COL4A6: variants seen among roughly 807,000 people sequenced by gnomAD.
The protein encoded by COL4A6 is collagen type IV alpha 6 chain, also known as collagen alpha-6(IV) chain.
In COL4A6, 59 loss-of-function variants were observed where a neutral mutation model predicts 126.7. That is an observed-to-expected ratio of 0.47 (90% CI 0.38 to 0.58). The LOEUF (loss-of-function observed/expected upper bound fraction) is 0.58, where lower values mean the gene tolerates loss of function less well. Among genes scored for constraint, COL4A6 ranks in the 20% least tolerant of loss-of-function variants. COL4A6 has a pLI of 0.00. For synonymous variants in COL4A6, 547 were observed against 496.6 expected, an observed-to-expected ratio of 1.10 and a Z score of -1.35; for missense variants, 1,285 against 1,337.3, an observed-to-expected ratio of 0.96 and a Z score of 0.61.
intron 3 of COL4A6, among the ~76,000 whole-genome samples, chrX:108,276,018 T>C (rs1602982500): frequency 8.8e-6 from 1 of 113,016 alleles, no homozygotes; most frequent in East Asian, 2.8e-4. Flanking sequence ...TCCTCCTGTT[T>C]AGATCTCTTT....
intron 2 of COL4A6, among the ~76,000 whole-genome samples, chrX:108,322,930 T>C (rs974860340): frequency 1.8e-5 from 2 of 112,530 alleles, no homozygotes; most frequent in Non-Finnish European, 3.8e-5. Context: ...CAAATTTAAC[T>C]GAGTGTCATC....
rs192616787 is a variant in COL4A6, at chrX:108,205,709, A to T, written c.610-14T>A. 6.9e-5 allele frequency: 82 copies of T among 1,192,403 alleles called. No individual in the cohort carries two copies. The African/African-American group carries it at 9.4e-4, about 14-fold the overall frequency. The stretch of plus-strand genomic sequence containing the variant: ...CCCTGGAGGACCCTAGATTTTTTTT[A>T]AAAATAAGAAAGAGTTAGCACTTGT... On this transcript the variant is annotated splice_polypyrimidine_tract_variant and intron_variant, in intron 9 of 44. Transcript: ENST00000334504.
intron 2 of COL4A6, among the ~76,000 whole-genome samples, chrX:108,376,196 A>G (rs1025887515): frequency 4.5e-5 from 5 of 111,464 alleles, no homozygotes; most frequent in Non-Finnish European, 7.5e-5. Flanking sequence ...GAGGGCTTTT[A>G]TTGTTCTACT....
At chrX:108,334,980 T>C (rs1434219267) in intron 2 of COL4A6, among the ~76,000 whole-genome samples, 1 of 112,106 alleles carries the variant, frequency 8.9e-6, no homozygotes, top group Non-Finnish European at 1.9e-5. Flanking sequence ...TAATTCCTCT[T>C]AGAAAAATGT....
intron 2 of COL4A6, among the ~76,000 whole-genome samples, chrX:108,430,545 A>T (rs773253970): frequency 2.3e-4 from 26 of 112,088 alleles, no homozygotes; most frequent in Admixed American, 2.0e-3. Flanking sequence ...CAATGTAGAG[A>T]TAAGGATGGA....
At chrX:108,224,893 A>G (rs1302210296) in intron 3 of COL4A6, among the ~76,000 whole-genome samples, 1 of 111,246 alleles carries the variant, frequency 9.0e-6, no homozygotes, top group Non-Finnish European at 1.9e-5. Context: ...CAGTGTGAGA[A>G]CATAGAGACT....
At chrX:108,243,303 C>G (rs1410560250) in intron 3 of COL4A6, among the ~76,000 whole-genome samples, 3 of 96,502 alleles carry the variant, frequency 3.1e-5, no homozygotes, top group African/African-American at 1.1e-4. Flanking sequence ...TTGAAGCCCC[C>G]CTCCCCCATG....
At chrX:108,433,656 T>C (rs898688803) in intron 2 of COL4A6, among the ~76,000 whole-genome samples, 1 of 110,592 alleles carries the variant, frequency 9.0e-6, no homozygotes, top group Non-Finnish European at 1.9e-5. Flanking sequence ...TCCCAGTAGA[T>C]AGGACTATAG....
intron 2 of COL4A6, among the ~76,000 whole-genome samples, chrX:108,313,057 T>C (rs2038798433): frequency 8.9e-6 from 1 of 112,892 alleles, no homozygotes; most frequent in East Asian, 2.8e-4. Flanking sequence ...CCTTTGTCAC[T>C]GAGGAAAGTA....
intron 2 of COL4A6, among the ~76,000 whole-genome samples, chrX:108,334,402 A>T (rs1280419659): frequency 8.9e-6 from 1 of 112,039 alleles, no homozygotes; most frequent in Non-Finnish European, 1.9e-5. Context: ...TCATTAGTTC[A>T]TTTCTAACTA....
chrX:108,279,994 C>G (rs1344928157), intron 3 of COL4A6, among the ~76,000 whole-genome samples: 12 of 110,690 alleles, frequency 1.1e-4, no homozygotes, highest in Admixed American at 2.9e-4. Flanking sequence ...ATTCAAAGCA[C>G]TGTGTAGAGG....
chrX:108,211,437 G>A (rs1177380259), intron 7 of COL4A6, among the ~76,000 whole-genome samples: 4 of 113,265 alleles, frequency 3.5e-5, no homozygotes, highest in Non-Finnish European at 7.5e-5. Flanking sequence ...TTGCTGATCT[G>A]TCTCCTATTT....
In COL4A6 at chrX:108,187,263, C is replaced by T; in HGVS notation, c.1784G>A (p.Gly595Asp). Residue 595 changes from glycine to aspartate, a missense_variant, in exon 23 of 45, where the codon GGC becomes GAC. Physicochemically the swap from Gly to Asp is moderately conservative, Grantham distance 94 (BLOSUM62 -1). Transcript: ENST00000334504. ...LPGLPGDGGQGFPGEKGLPGL... is the reference protein window; with the variant it reads ...LPGLPGDGGQDFPGEKGLPGL... Reference sequence around the variant, plus strand: ...AGGTAACCCCTTTTCACCTGGGAAGCCCTGTCCACCATCACCCTAGACAAC... The same window carrying T: ...AGGTAACCCCTTTTCACCTGGGAAGTCCTGTCCACCATCACCCTAGACAAC... 5.2e-6 allele frequency: 6 copies of T among 1,163,301 alleles called. No individual in the cohort carries two copies. Among genetic ancestry groups the T allele is most frequent in the South Asian group, 2.1e-5 (1 of 48,375 alleles).
At chrX:108,199,706 G>A (rs914506126) in intron 13 of COL4A6, among the ~76,000 whole-genome samples, 3 of 111,553 alleles carry the variant, frequency 2.7e-5, no homozygotes, top group Admixed American at 9.6e-5. Context: ...TGAAATTGCA[G>A]CAGGGGAAAT....
rs1569317634 is a variant in COL4A6, at chrX:108,155,931, A to C, written c.*1069T>G. 1 of 112,046 alleles carries C rather than the reference A, an allele frequency of 8.9e-6. No homozygotes were observed. The highest frequency in any genetic ancestry group is 2.8e-4 in the East Asian group (1 of 3,561). The allele number at this position is 112,046 out of a possible 1,213,427, so 9.2% of individuals were successfully genotyped here. On this transcript the variant is annotated 3_prime_UTR_variant, in exon 45 of 45. Coordinates refer to ENST00000334504, the MANE Select transcript of COL4A6 (RefSeq NM_033641.4). ...CAAGAGAAGAGTGTGCTAGATTTTT[A>C]TGAGGTTTAAAAAAACATATTAAAA... is the stretch of plus-strand genomic sequence containing the variant.
Position 108,174,401 on chromosome X carries a change from C to A in COL4A6, c.3138+39G>T, listed in dbSNP as rs777786961. 9 of 1,185,772 alleles carry A rather than the reference C, an allele frequency of 7.6e-6. No homozygotes were observed. In the African/African-American group the frequency reaches 1.4e-4, roughly 19 times the overall value. ...GGGTATATCCCCGTGAGATGGGGGGCCTTTTCTGGTATAAAGACAAAGATC... is the reference window on the plus strand; with the variant it reads ...GGGTATATCCCCGTGAGATGGGGGGACTTTTCTGGTATAAAGACAAAGATC... On this transcript the variant is annotated intron_variant, in intron 31 of 44. Transcript: ENST00000334504.
intron 3 of COL4A6, among the ~76,000 whole-genome samples, chrX:108,302,656 T>C (rs1464924218): frequency 9.0e-6 from 1 of 110,752 alleles, no homozygotes; most frequent in East Asian, 2.8e-4. Flanking sequence ...TCAATATCTC[T>C]GGTATACATT....
intron 3 of COL4A6, among the ~76,000 whole-genome samples, chrX:108,298,626 C>G (rs954540046): frequency 9.0e-5 from 10 of 110,682 alleles, no homozygotes; most frequent in Non-Finnish European, 1.7e-4. Flanking sequence ...GATCCCAGGG[C>G]GGGATCAGGT....
At chrX:108,182,132 T>C (rs2034705045) in intron 23 of COL4A6, among the ~76,000 whole-genome samples, 1 of 112,299 alleles carries the variant, frequency 8.9e-6, no homozygotes, top group South Asian at 3.7e-4. Context: ...GGTATCCTAG[T>C]TCTGCTGCTA....
Sources: gnomAD v4.1 joint callset for allele counts (sites outside exome capture counted in the v4.1 genomes callset) on GRCh38, gnomAD v4.1.1 for gene constraint, MANE v1.5 for transcripts, NCBI Gene and HGNC (gene_info 2026-07-23, HGNC 2026-07-21) for gene names.